The following GRM8 variants were observed in gnomAD, a reference collection of about 807,000 sequenced individuals.
GRM8 encodes the protein glutamate metabotropic receptor 8.
A neutral mutation model predicts 87.2 loss-of-function variants in GRM8; 47 were observed. That is an observed-to-expected ratio of 0.54 (90% CI 0.43 to 0.69). The LOEUF (loss-of-function observed/expected upper bound fraction) is 0.69. GRM8 is among the 30% of genes least tolerant of loss of function. The pLI is 0.00. For synonymous variants in GRM8, 396 were observed against 404.5 expected, an observed-to-expected ratio of 0.98 and a Z score of 0.25; for missense variants, 1,019 against 1,139.2, an observed-to-expected ratio of 0.89 and a Z score of 1.52.
chr7:126,951,897 T>C (rs1432289489), intron 3 of GRM8, among the ~76,000 whole-genome samples: 1 of 151,972 alleles, frequency 6.6e-6, no homozygotes, highest in African/African-American at 2.4e-5. Context: ...TATGTGCAGG[T>C]TATTCATATG....
In GRM8 at chr7:126,599,763, A is replaced by C. The variant is rs1004760398; in HGVS notation, c.1494+9599T>G. Among the ~76,000 whole-genome samples, 7 of 152,288 alleles carry C rather than the reference A, an allele frequency of 4.6e-5. No homozygotes were observed. The South Asian group carries it at 1.4e-3, about 32-fold the overall frequency. Reference sequence around the variant, plus strand: ...AATGAATGTGTGTTTAAAGTTAAAAAAGAATAAAGGAACACAGCTGGATGT... The same window carrying C: ...AATGAATGTGTGTTTAAAGTTAAAACAGAATAAAGGAACACAGCTGGATGT... On this transcript the variant is annotated intron_variant, in intron 8 of 10. Coordinates refer to ENST00000339582, the MANE Select transcript of GRM8 (RefSeq NM_000845.3).
intron 2 of GRM8, among the ~76,000 whole-genome samples, chr7:127,241,429 T>C (rs1196062371): frequency 1.4e-5 from 2 of 142,462 alleles, no homozygotes; most frequent in Non-Finnish European, 3.0e-5. Context: ...ATAGGACCTT[T>C]TTTTTTTCTT....
At chr7:126,527,714 C>G (rs1301647149) in intron 9 of GRM8, among the ~76,000 whole-genome samples, 1 of 152,208 alleles carries the variant, frequency 6.6e-6, no homozygotes, top group African/African-American at 2.4e-5. Flanking sequence ...AATTATAATA[C>G]AAAGATTTCA....
intron 6 of GRM8, among the ~76,000 whole-genome samples, chr7:126,835,308 C>T (rs1278189182): frequency 6.6e-6 from 1 of 152,040 alleles, no homozygotes; most frequent in African/African-American, 2.4e-5. Context: ...CTATGTTTTA[C>T]TAAAAGAATA....
chr7:126,452,939 A>T lies in GRM8; in HGVS notation c.2431-6567T>A, dbSNP rs534800545. ...CCTGGGATATATTAATTAATAAGGGATAGCTTTATTGTCATTATTTAACCT... is the reference window on the plus strand; with the variant it reads ...CCTGGGATATATTAATTAATAAGGGTTAGCTTTATTGTCATTATTTAACCT... On this transcript the variant is annotated intron_variant, in intron 9 of 10. Transcript: ENST00000339582. Among the ~76,000 whole-genome samples the T allele has an allele frequency of 2.0e-5, 3 of 151,750 alleles. No individual in the cohort carries two copies. In the East Asian group the frequency reaches 5.9e-4, roughly 30 times the overall value.
chr7:126,789,787 A>G (rs1346494115), intron 6 of GRM8, among the ~76,000 whole-genome samples: 1 of 152,180 alleles, frequency 6.6e-6, no homozygotes, highest in Non-Finnish European at 1.5e-5. Flanking sequence ...CCATCCATTT[A>G]TGTTTTCCAT....
intron 2 of GRM8, among the ~76,000 whole-genome samples, chr7:127,116,709 C>T (rs967423224): frequency 3.9e-5 from 6 of 152,182 alleles, no homozygotes; most frequent in Non-Finnish European, 7.4e-5. Context: ...TTGCCTCTCA[C>T]TTGAGATCTC....
intron 6 of GRM8, among the ~76,000 whole-genome samples, chr7:126,824,549 G>C (rs2130246654): frequency 6.6e-6 from 1 of 152,270 alleles, no homozygotes; most frequent in South Asian, 2.1e-4. Flanking sequence ...TGTGTTCACA[G>C]TGTTGGTATA....
At chr7:126,851,061 G>A (rs1044939695) in intron 6 of GRM8, among the ~76,000 whole-genome samples, 3 of 152,030 alleles carry the variant, frequency 2.0e-5, no homozygotes, top group Non-Finnish European at 4.4e-5. Context: ...TCTGAATCTA[G>A]TGTCCTGATG....
At chr7:127,212,713 G>A (rs1183319835) in intron 2 of GRM8, among the ~76,000 whole-genome samples, 1 of 152,044 alleles carries the variant, frequency 6.6e-6, no homozygotes, top group South Asian at 2.1e-4. Flanking sequence ...CACCGCGCCC[G>A]GCCGACATGG....
intron 6 of GRM8, among the ~76,000 whole-genome samples, chr7:126,830,495 C>T (rs1434007445): frequency 2.6e-5 from 4 of 152,158 alleles, no homozygotes; most frequent in Admixed American, 6.5e-5. Flanking sequence ...TTGATCTCAT[C>T]GGCTCCTGAG....
At chr7:127,103,420 C>CAGA (rs1825517886) in intron 3 of GRM8, among the ~76,000 whole-genome samples, 1 of 152,160 alleles carries the variant, frequency 6.6e-6, no homozygotes, top group Non-Finnish European at 1.5e-5. Context: ...ACCTCCTCCC[C>CAGA]TTGCTCCTGC....
intron 9 of GRM8, among the ~76,000 whole-genome samples, chr7:126,514,017 G>A (rs1426683252): frequency 6.6e-6 from 1 of 152,068 alleles, no homozygotes; most frequent in Non-Finnish European, 1.5e-5. Flanking sequence ...CCTCATTTGT[G>A]CAATCATGCA....
intron 6 of GRM8, among the ~76,000 whole-genome samples, chr7:126,880,136 C>T (rs1402729002): frequency 1.3e-5 from 2 of 152,064 alleles, no homozygotes; most frequent in Non-Finnish European, 2.9e-5. Context: ...ATAAACGTGC[C>T]TGATACCCAT....
chr7:127,062,232 G>A (rs960542638), intron 3 of GRM8, among the ~76,000 whole-genome samples: 1 of 152,150 alleles, frequency 6.6e-6, no homozygotes, highest in Non-Finnish European at 1.5e-5. Flanking sequence ...TGGGGAAAAG[G>A]CAGATAGCTA....
At chr7:126,898,580 T>C (rs1394619948) in intron 6 of GRM8, among the ~76,000 whole-genome samples, 3 of 152,156 alleles carry the variant, frequency 2.0e-5, no homozygotes, top group African/African-American at 7.2e-5. Flanking sequence ...ATAGTTCTAA[T>C]TGGACAAATT....
chr7:126,514,365 A>C (rs1811869651), intron 9 of GRM8, among the ~76,000 whole-genome samples: 1 of 152,184 alleles, frequency 6.6e-6, no homozygotes. Flanking sequence ...TGGCTTAAAC[A>C]ATTTGGACTT....
chr7:126,931,732 T>C (rs1805791974), intron 3 of GRM8, among the ~76,000 whole-genome samples: 1 of 152,196 alleles, frequency 6.6e-6, no homozygotes, highest in Admixed American at 6.5e-5. Context: ...CCTGCAACAA[T>C]GTGAGTTACT....
intron 6 of GRM8, among the ~76,000 whole-genome samples, chr7:126,845,318 G>GT (rs1232336747): frequency 6.6e-6 from 1 of 152,186 alleles, no homozygotes; most frequent in Non-Finnish European, 1.5e-5. Flanking sequence ...ATATTCAGCA[G>GT]TTTAAGAGAG....
Sources: allele counts gnomAD v4.1 joint callset (sites outside exome capture counted in the v4.1 genomes callset), GRCh38; gene constraint gnomAD v4.1.1; transcripts MANE v1.5; gene names NCBI Gene and HGNC (gene_info 2026-07-23, HGNC 2026-07-21).